VPS13B: variants seen among roughly 807,000 people sequenced by gnomAD.
The protein encoded by VPS13B is intermembrane lipid transfer protein VPS13B.
In VPS13B, 285 loss-of-function variants were observed where a neutral mutation model predicts 426.4. The ratio of observed to expected loss-of-function variants is 0.67; its 90% CI spans 0.61 to 0.74. VPS13B has a LOEUF of 0.74. VPS13B is among the 30% of genes least tolerant of loss of function. The pLI is 0.00. For missense variants in VPS13B, 4,537 were observed against 4,782.6 expected (o/e 0.95, Z 1.51); for synonymous variants, 1,676 against 1,676.4 (o/e 1.00, Z 0.01).
intron 35 of VPS13B, chr8:99,696,977 G>T: frequency 1.6e-6 from 1 of 624,956 alleles, no homozygotes. Flanking sequence ...TCAAGGGGCT[G>T]CAGCCGGCGT....
Position 99,661,410 on chromosome 8 carries a change from G to C in VPS13B, c.5965G>C (p.Val1989Leu). ...LDYCTVWLQT[V>L]PGEIDSKSGI... The stretch of plus-strand genomic sequence containing the variant: ...TTATTGCACTGTTTGGCTACAGACA[G>C]TGCCTGGAGAAATAGACAGCAAAAG... Residue 1989 changes from valine to leucine, a missense_variant, in exon 35 of 62, where the codon GTG becomes CTG. By Grantham distance (32) the Val-to-Leu change is conservative (BLOSUM62 1). Coordinates refer to ENST00000357162, the MANE Select transcript of VPS13B (RefSeq NM_152564.5). The C allele has an allele frequency of 6.2e-7, 1 of 1,613,782 alleles. No homozygotes were observed. The highest frequency in any genetic ancestry group is 8.5e-7 in the Non-Finnish European group (1 of 1,179,842).
chr8:99,657,917 T>C (rs1028529430), intron 34 of VPS13B, among the ~76,000 whole-genome samples: 1 of 152,184 alleles, frequency 6.6e-6, no homozygotes, highest in African/African-American at 2.4e-5. Flanking sequence ...CAACCATCCA[T>C]GGGGGAATTT....
At position 99,519,305 on chromosome 8, in the gene VPS13B, G is replaced by A. The variant is rs375296659; in HGVS notation, c.4634-1594G>A. Among the ~76,000 whole-genome samples, 24 of 152,296 alleles carry A rather than the reference G, an allele frequency of 1.6e-4. No individual in the cohort carries two copies. The East Asian group carries it at 3.7e-3, about 23-fold the overall frequency. On this transcript the variant is annotated intron_variant, in intron 29 of 61. Transcript: ENST00000357162. The stretch of plus-strand genomic sequence containing the variant: ...ATCATTAAAAAGTCAGGAAACAACA[G>A]GTGCTGGAGAGGATGTGGAGAAATA...
intron 35 of VPS13B, among the ~76,000 whole-genome samples, chr8:99,662,113 T>C (rs1020930032): frequency 1.3e-5 from 2 of 152,108 alleles, no homozygotes; most frequent in Middle Eastern, 3.2e-3. Context: ...GTGAAGTAAA[T>C]TGCCTAAGGT....
chr8:99,291,704 T>A (rs1018890799), intron 19 of VPS13B, among the ~76,000 whole-genome samples: 7 of 152,110 alleles, frequency 4.6e-5, no homozygotes, highest in Non-Finnish European at 1.0e-4. Flanking sequence ...GAGGACTGAA[T>A]GATATTAGAA....
intron 17 of VPS13B, among the ~76,000 whole-genome samples, chr8:99,196,341 A>G (rs1473660230): frequency 6.6e-6 from 1 of 150,732 alleles, no homozygotes; most frequent in Non-Finnish European, 1.5e-5. Flanking sequence ...TTTTTTTTGG[A>G]TAGTTTTAGT....
chr8:99,162,507 G>A lies in VPS13B; in HGVS notation c.2208+5764G>A, dbSNP rs565552197. On this transcript the variant is annotated intron_variant, in intron 15 of 61. Transcript: ENST00000357162. ...AGTGTTACAGCTCTTAAGGTGGCGC[G>A]TCTGGAGTCTGTCCCTTCTGATGTT... 4.2e-4 allele frequency among the ~76,000 whole-genome samples: 64 copies of A among 152,154 alleles called. 1 individual carries two copies. The highest frequency in any genetic ancestry group is 1.7e-3 in the South Asian group (8 of 4,812).
intron 17 of VPS13B, among the ~76,000 whole-genome samples, chr8:99,196,310 A>C (rs1813921021): frequency 6.6e-6 from 1 of 152,028 alleles, no homozygotes; most frequent in Non-Finnish European, 1.5e-5. Flanking sequence ...TTGCTGTTAT[A>C]AATGGGATTG....
At chr8:99,800,337 T>G (rs1315323778) in intron 43 of VPS13B, among the ~76,000 whole-genome samples, 2 of 152,082 alleles carry the variant, frequency 1.3e-5, no homozygotes. Flanking sequence ...ACAGCTCATG[T>G]TTTTTCAGTC....
intron 59 of VPS13B, 22 bp downstream of exon 59, chr8:99,868,487 C>T (rs1221561741): frequency 1.3e-6 from 2 of 1,592,140 alleles, no homozygotes; most frequent in African/African-American, 1.3e-5. Flanking sequence ...GAAAACCCAT[C>T]AGGCCAACCC....
At chr8:99,207,550 T>A (rs1281768542) in intron 17 of VPS13B, among the ~76,000 whole-genome samples, 1 of 152,212 alleles carries the variant, frequency 6.6e-6, no homozygotes, top group Admixed American at 6.5e-5. Flanking sequence ...TTCTTTGAAT[T>A]ATTATTTAAG....
intron 36 of VPS13B, among the ~76,000 whole-genome samples, chr8:99,711,242 T>C (rs1408742746): frequency 6.6e-6 from 1 of 152,056 alleles, no homozygotes; most frequent in Non-Finnish European, 1.5e-5. Flanking sequence ...GGAAGGCACA[T>C]GGGGAGGAGT....
intron 21 of VPS13B, among the ~76,000 whole-genome samples, chr8:99,409,589 A>C (rs201105008): frequency 2.0e-5 from 3 of 152,190 alleles, no homozygotes; most frequent in Non-Finnish European, 2.9e-5. Flanking sequence ...AAAATAATCA[A>C]ATTTTTAGGC....
At chr8:99,628,523 A>G (rs1828706826) in intron 33 of VPS13B, among the ~76,000 whole-genome samples, 1 of 152,162 alleles carries the variant, frequency 6.6e-6, no homozygotes. Flanking sequence ...TGAAGCACCT[A>G]GTATGTGCCC....
At chr8:99,191,595 G>T (rs1813597021) in intron 16 of VPS13B, among the ~76,000 whole-genome samples, 1 of 151,736 alleles carries the variant, frequency 6.6e-6, no homozygotes, top group Non-Finnish European at 1.5e-5. Flanking sequence ...TGTTGGTCAG[G>T]CTGGTCTCGA....
At chr8:99,696,944 A>G (rs549138205) in intron 35 of VPS13B, 1 of 683,998 alleles carries the variant, frequency 1.5e-6, no homozygotes, top group Admixed American at 2.0e-5. Context: ...CTGATTGCTG[A>G]GGAGGGGTGG....
At chr8:99,256,384 ACT>A (rs1817743675) in intron 17 of VPS13B, among the ~76,000 whole-genome samples, 1 of 151,878 alleles carries the variant, frequency 6.6e-6, no homozygotes, top group Non-Finnish European at 1.5e-5. Flanking sequence ...TCTTTTTGAA[ACT>A]CTGTTTTTAA....
chr8:99,494,431 T>C (rs1820784428), intron 25 of VPS13B, among the ~76,000 whole-genome samples: 1 of 152,178 alleles, frequency 6.6e-6, no homozygotes, highest in African/African-American at 2.4e-5. Context: ...GTTATGTTTA[T>C]TCTTAAGCAT....
chr8:99,209,570 T>C, intron 17 of VPS13B: 1 of 277,334 alleles, frequency 3.6e-6, no homozygotes, highest in Non-Finnish European at 7.0e-6. Flanking sequence ...ATAACAATTT[T>C]TTTTTTTTTT....
Sources: allele counts gnomAD v4.1 joint callset (sites outside exome capture counted in the v4.1 genomes callset), GRCh38; gene constraint gnomAD v4.1.1; transcripts MANE v1.5; gene names NCBI Gene and HGNC (gene_info 2026-07-23, HGNC 2026-07-21).